The following PPP1CC variants were observed in gnomAD, a reference collection of about 807,000 sequenced individuals.
PPP1CC encodes the protein serine/threonine-protein phosphatase PP1-gamma catalytic subunit.
Under a neutral mutation model 38.4 loss-of-function variants are expected in PPP1CC, and 16 were observed. The ratio of observed to expected loss-of-function variants is 0.42; its 90% CI spans 0.28 to 0.63. The LOEUF (loss-of-function observed/expected upper bound fraction) is 0.63. PPP1CC is among the 30% of genes least tolerant of loss of function. The pLI is 0.25. For missense variants in PPP1CC, 170 were observed against 391.3 expected, an observed-to-expected ratio of 0.43 and a Z score of 4.77; for synonymous variants, 158 against 136.0, an observed-to-expected ratio of 1.16 and a Z score of -1.13.
chr12:110,715,992 T>C (rs1400506020), downstream of PPP1CC, among the ~76,000 whole-genome samples: 5 of 152,332 alleles, frequency 3.3e-5, no homozygotes, highest in Non-Finnish European at 7.4e-5. Flanking sequence ...TAATACTAAA[T>C]AGATGCTCAC....
At position 110,720,109 on chromosome 12, in the gene PPP1CC, T is replaced by C. The variant is rs1216464854; in HGVS notation, c.*967A>G. 4.6e-6 allele frequency: 7 copies of C among 1,534,392 alleles called. No individual in the cohort carries two copies. The highest frequency in any genetic ancestry group is 2.0e-5 in the Admixed American group (1 of 51,272). ...CTCAACTTCACCGCAGAATAAAGAA[T>C]GTAGGCCAAAGAAAGCATAATCGGT... is the stretch of plus-strand genomic sequence containing the variant. On this transcript the variant is annotated 3_prime_UTR_variant, in exon 7 of 7. Coordinates refer to ENST00000335007, the MANE Select transcript of PPP1CC (RefSeq NM_002710.4).
At chr12:110,737,433 G>A (rs2069956246) in intron 1 of PPP1CC, among the ~76,000 whole-genome samples, 1 of 129,120 alleles carries the variant, frequency 7.7e-6, no homozygotes, top group African/African-American at 3.1e-5. Flanking sequence ...GCAGTGGGCC[G>A]AGATCCTGCC....
In PPP1CC at chr12:110,742,838, C is replaced by A. The variant is rs539794640; in HGVS notation, c.-131G>T. 43 of 585,312 alleles carry A rather than the reference C, an allele frequency of 7.3e-5. No individual in the cohort carries two copies. The highest frequency in any genetic ancestry group is 1.4e-4 in the African/African-American group (7 of 51,630). 36.3% of individuals were successfully genotyped at this position (585,312 alleles called of 1,614,324 possible). On this transcript the variant is annotated 5_prime_UTR_variant, in exon 1 of 7. Transcript: ENST00000335007. ...GGCAGCAGCCGCGGCGGGTCCCCCC[C>A]CTGCCACCCCGCTCCCTACTTCCTC...
chr12:110,724,861 G>A, intron 3 of PPP1CC, 97 bp from the exon 4 acceptor site: 1 of 647,640 alleles, frequency 1.5e-6, no homozygotes, highest in Non-Finnish European at 2.7e-6. Flanking sequence ...AAGATTCTGG[G>A]TGCCTTTTAA....
chr12:110,719,311 G>C (rs372135495), downstream of PPP1CC, among the ~76,000 whole-genome samples: 4 of 152,114 alleles, frequency 2.6e-5, no homozygotes, highest in Admixed American at 1.3e-4. Context: ...TAGCAGAGGG[G>C]AGTCCATGGC....
chr12:110,736,440 T>C (rs189051886), intron 1 of PPP1CC, among the ~76,000 whole-genome samples: 76 of 152,216 alleles, frequency 5.0e-4, no homozygotes, highest in Middle Eastern at 3.4e-3. Context: ...GCTCAGGAGT[T>C]AGAGACTAGC....
At chr12:110,737,996 A>G (rs1014921135) in intron 1 of PPP1CC, among the ~76,000 whole-genome samples, 1 of 152,184 alleles carries the variant, frequency 6.6e-6, no homozygotes, top group African/African-American at 2.4e-5. Context: ...ACTGTTCTCA[A>G]TAAAGCATCT....
chr12:110,736,489 C>T (rs2069946071), intron 1 of PPP1CC, among the ~76,000 whole-genome samples: 3 of 151,946 alleles, frequency 2.0e-5, no homozygotes, highest in South Asian at 4.1e-4. Context: ...ACCAAAAATA[C>T]AAAATATAGC....
chr12:110,719,424 T>C (rs2069714324), downstream of PPP1CC, among the ~76,000 whole-genome samples: 1 of 152,208 alleles, frequency 6.6e-6, no homozygotes, highest in South Asian at 2.1e-4. Flanking sequence ...TCAAATGACA[T>C]GCTCTTCACT....
the PPP1CC span, among the ~76,000 whole-genome samples, chr12:110,713,030 A>G: frequency 6.6e-6 from 1 of 151,990 alleles, no homozygotes; most frequent in South Asian, 2.1e-4. Flanking sequence ...CCGAGATTGC[A>G]CCATTGCATT....
At chr12:110,739,599 C>A (rs1277705022) in intron 1 of PPP1CC, among the ~76,000 whole-genome samples, 2 of 152,204 alleles carry the variant, frequency 1.3e-5, no homozygotes, top group African/African-American at 4.8e-5. Flanking sequence ...TAAGCACTTT[C>A]TGTGAGCCAG....
intron 1 of PPP1CC, 23 bp downstream of exon 1, chr12:110,742,630 C>T: frequency 7.2e-7 from 1 of 1,391,190 alleles, no homozygotes; most frequent in Non-Finnish European, 9.5e-7. Flanking sequence ...CCTCCCCCTT[C>T]AGCCGCCCGC....
the PPP1CC span, among the ~76,000 whole-genome samples, chr12:110,710,151 T>C: frequency 6.6e-6 from 1 of 151,832 alleles, no homozygotes. Context: ...AAAAACAAGA[T>C]GTTAAAGTGA....
chr12:110,712,944 A>G, the PPP1CC span, among the ~76,000 whole-genome samples: 1 of 151,758 alleles, frequency 6.6e-6, no homozygotes, highest in African/African-American at 2.4e-5. Context: ...GTGGTGGCAT[A>G]TGCCTATAAT....
intron 3 of PPP1CC, among the ~76,000 whole-genome samples, chr12:110,729,416 A>T (rs1194602090): frequency 1.3e-5 from 2 of 152,076 alleles, no homozygotes; most frequent in African/African-American, 4.8e-5. Flanking sequence ...GACGGTCTTG[A>T]TCTCTTGACC....
Position 110,721,129 on chromosome 12 carries a change from T to A in PPP1CC, c.919A>T (p.Thr307Ser). 6.2e-7 allele frequency: 1 copy of A among 1,613,996 alleles called. No individual in the cohort carries two copies. Among genetic ancestry groups the A allele is most frequent in the Non-Finnish European group, 8.5e-7 (1 of 1,179,840 alleles). Residue 307 changes from threonine to serine, a missense_variant, in exon 7 of 7, where the codon ACG becomes TCG. Coordinates refer to ENST00000335007, the MANE Select transcript of PPP1CC (RefSeq NM_002710.4). ...KPAEKKKPNA[T>S]RPVTPPRGMI... ...CCCCTTGGAGGCGTTACAGGTCTCGTGGCATTTGGCTTCTTTTTCTCTGCA... is the reference window on the plus strand; with the variant it reads ...CCCCTTGGAGGCGTTACAGGTCTCGAGGCATTTGGCTTCTTTTTCTCTGCA...
Position 110,742,761 on chromosome 12 carries a change from G to T in PPP1CC, c.-54C>A. On this transcript the variant is annotated 5_prime_UTR_variant, in exon 1 of 7. Coordinates refer to ENST00000335007, the MANE Select transcript of PPP1CC (RefSeq NM_002710.4). ...CGGCGCCGCCGCCGGCTCGCGCCCG[G>T]GACTCACACCTCCTTTCCCACGCCA... 2 of 1,331,730 alleles carry T rather than the reference G, an allele frequency of 1.5e-6. No homozygotes were observed. Among genetic ancestry groups the T allele is most frequent in the South Asian group, 3.9e-5 (2 of 50,870 alleles). The allele number at this position is 1,331,730 out of a possible 1,614,324, so 82.5% of individuals were successfully genotyped here. A position where few individuals can be genotyped will look rare whatever the true frequency, so the allele number is the denominator to read the frequency against.
chr12:110,728,397 C>CAAAA (rs1234259790), intron 3 of PPP1CC, among the ~76,000 whole-genome samples: 22 of 78,670 alleles, frequency 2.8e-4, no homozygotes, highest in African/African-American at 4.9e-4. Flanking sequence ...GACTCCGTCT[C>CAAAA]AAAAAAAAAA....
At chr12:110,721,685 T>C (rs910407779) in intron 6 of PPP1CC, 1 of 189,492 alleles carries the variant, frequency 5.3e-6, no homozygotes, top group African/African-American at 2.3e-5. Context: ...CTGAGGCAGA[T>C]TCTAAATAAT....
Sources: gnomAD v4.1 joint callset for allele counts (sites outside exome capture counted in the v4.1 genomes callset) on GRCh38, gnomAD v4.1.1 for gene constraint, MANE v1.5 for transcripts, NCBI Gene and HGNC (gene_info 2026-07-23, HGNC 2026-07-21) for gene names.